The following SOCS6 variants were observed in gnomAD, a reference collection of about 807,000 sequenced individuals.
The protein encoded by SOCS6 is STAT induced STAT inhibitor-4.
A neutral mutation model predicts 27.7 loss-of-function variants in SOCS6; 5 were observed. That is an observed-to-expected ratio of 0.18 (90% CI 0.09 to 0.38). The LOEUF (loss-of-function observed/expected upper bound fraction) is 0.38, where lower values mean the gene tolerates loss of function less well. SOCS6 is among the 10% of genes least tolerant of loss of function. SOCS6 has a pLI of 1.00. For missense variants in SOCS6, 595 were observed against 688.1 expected, an observed-to-expected ratio of 0.86 and a Z score of 1.51; for synonymous variants, 271 against 260.0, an observed-to-expected ratio of 1.04 and a Z score of -0.41.
chr18:70,293,888 C>G (rs376392834), intron 1 of SOCS6, among the ~76,000 whole-genome samples: 1 of 151,984 alleles, frequency 6.6e-6, no homozygotes, highest in Non-Finnish European at 1.5e-5. Flanking sequence ...GTCAGGAGTT[C>G]GAGACCAGCC....
intron 1 of SOCS6, among the ~76,000 whole-genome samples, chr18:70,322,831 A>G (rs1168000012): frequency 6.6e-6 from 1 of 152,176 alleles, no homozygotes; most frequent in Non-Finnish European, 1.5e-5. Flanking sequence ...TTTTAGTAAG[A>G]ATGATTCCAT....
At chr18:70,304,791 T>C (rs2062362251) in intron 1 of SOCS6, among the ~76,000 whole-genome samples, 1 of 152,266 alleles carries the variant, frequency 6.6e-6, no homozygotes, top group African/African-American at 2.4e-5. Flanking sequence ...TTTTAAATTT[T>C]AGTTATTAAA....
chr18:70,293,443 C>G (rs1482075698), intron 1 of SOCS6, among the ~76,000 whole-genome samples: 2 of 152,162 alleles, frequency 1.3e-5, no homozygotes, highest in African/African-American at 4.8e-5. Context: ...AGATCTCTTT[C>G]ACTTCTGGAA....
chr18:70,317,493 C>CACATATATACAT (rs530915852), intron 1 of SOCS6, among the ~76,000 whole-genome samples: 1 of 130,346 alleles, frequency 7.7e-6, no homozygotes, highest in Non-Finnish European at 1.6e-5. Flanking sequence ...TACATATATA[C>CACATATATACAT]ACATATATAC....
chr18:70,289,674 A>G (rs1476076731), intron 1 of SOCS6, among the ~76,000 whole-genome samples: 1 of 149,726 alleles, frequency 6.7e-6, no homozygotes, highest in African/African-American at 2.4e-5. Flanking sequence ...GGACTCGGGG[A>G]CGCCCCCGCC....
At chr18:70,321,338 T>TTTTTTTCA (rs1910982719) in intron 1 of SOCS6, among the ~76,000 whole-genome samples, 1 of 128,134 alleles carries the variant, frequency 7.8e-6, no homozygotes, top group Non-Finnish European at 1.6e-5. Flanking sequence ...TTTTTTTTTT[T>TTTTTTTCA]GACAGAGTTT....
chr18:70,307,612 G>C (rs1227364287), intron 1 of SOCS6, among the ~76,000 whole-genome samples: 3 of 152,046 alleles, frequency 2.0e-5, no homozygotes, highest in South Asian at 4.1e-4. Context: ...TTTCTCTTAA[G>C]TTTTCTAATT....
rs1308310307 is a variant in SOCS6, at chr18:70,328,427, CCT to C, written c.*2152_*2153del. The C allele has an allele frequency of 1.2e-5, 2 of 166,448 alleles. No homozygotes were observed. Among genetic ancestry groups the C allele is most frequent in the East Asian group, 3.9e-4 (2 of 5,182 alleles). The allele number at this position is 166,448 out of a possible 1,614,324, so 10.3% of individuals were successfully genotyped here. ...CTGAACCCGTCTTATGTGGACATAA[CCT>C]ATTCCCTTCGTTTTCTCATCATGCC... On this transcript the variant is annotated 3_prime_UTR_variant, in exon 2 of 2. Coordinates refer to ENST00000397942, the MANE Select transcript of SOCS6 (RefSeq NM_004232.4).
rs781536907 is a variant in SOCS6 at position 70,325,918 on chromosome 18, T to C, written c.1250T>C (p.Leu417Pro). The C allele has an allele frequency of 6.2e-7, 1 of 1,614,252 alleles. No individual in the cohort carries two copies. Among genetic ancestry groups the C allele is most frequent in the East Asian group, 2.2e-5 (1 of 44,886 alleles). The change falls in exon 2 of 2, where the codon CTT becomes CCT. Residue 417 changes from leucine to proline, a missense_variant. Transcript: ENST00000397942. The surrounding 1 kb of genome is among the most constrained non-coding windows in gnomAD (Gnocchi z 6.3). ...LVRDSSDDRY[L>P]LSLSFRSHGK... Reference sequence around the variant, plus strand: ...CGGGACAGTTCTGACGACCGTTACCTTTTAAGCTTGAGCTTTCGCTCCCAT... The same window carrying C: ...CGGGACAGTTCTGACGACCGTTACCCTTTAAGCTTGAGCTTTCGCTCCCAT...
intron 1 of SOCS6, among the ~76,000 whole-genome samples, chr18:70,317,240 A>T (rs539574402): frequency 6.6e-6 from 1 of 152,140 alleles, no homozygotes; most frequent in African/African-American, 2.4e-5. Flanking sequence ...AGTCCATTGT[A>T]TCATTCTTAT....
In SOCS6 at chr18:70,325,068, C is replaced by A. The variant is rs751994123; in HGVS notation, c.400C>A (p.Pro134Thr). The A allele has an allele frequency of 1.2e-6, 2 of 1,614,152 alleles. No homozygotes were observed. The highest frequency in any genetic ancestry group is 2.2e-5 in the East Asian group (1 of 44,864). Residue 134 changes from proline (P) to threonine (T), a missense_variant, in exon 2 of 2, where the codon CCC (proline) becomes ACC (threonine). Pro to Thr is a conservative substitution (Grantham distance 38, BLOSUM62 -1). Around this residue, in one of 2 missense-constraint regions of SOCS6, gnomAD observed 467 missense variants for 481.1 expected, o/e 0.97. Transcript: ENST00000397942. This position sits in a 1 kb window ranked among gnomAD's most constrained non-coding sequence, Gnocchi z 6.3. ...STSLRSHHYS[P>T]APWPLRPTNS... is the part of the protein sequence containing the mutation. ...GTCGCTCCGCAGCCATCACTACAGT[C>A]CCGCGCCGTGGCCTCTGCGGCCCAC...
intron 1 of SOCS6, among the ~76,000 whole-genome samples, chr18:70,313,074 C>T (rs146706959): frequency 7.2e-5 from 11 of 152,208 alleles, no homozygotes; most frequent in East Asian, 1.9e-4. Context: ...GCCACCACAC[C>T]GGGTCCATGG....
Position 70,325,030 on chromosome 18 carries a change from C to T in SOCS6, c.362C>T (p.Pro121Leu), listed in dbSNP as rs1439896966. The stretch of plus-strand genomic sequence containing the variant: ...TTTAAAGACGTGAGAGCTCAGAGGC[C>T]GATAAGGTCCACGTCGCTCCGCAGC... ...IVFKDVRAQR[P>L]IRSTSLRSHH... is the part of the protein sequence containing the mutation. The change falls in exon 2 of 2, where the codon CCG becomes CTG. Residue 121 changes from proline to leucine, a missense_variant. Coordinates refer to ENST00000397942, the MANE Select transcript of SOCS6 (RefSeq NM_004232.4). The surrounding 1 kb of genome is among the most constrained non-coding windows in gnomAD (Gnocchi z 6.3). 2 of 1,614,030 alleles carry T rather than the reference C, an allele frequency of 1.2e-6. No homozygotes were observed. The highest frequency in any genetic ancestry group is 1.7e-5 in the Admixed American group (1 of 59,994).
At chr18:70,295,026 G>T (rs906196575) in intron 1 of SOCS6, among the ~76,000 whole-genome samples, 7 of 152,222 alleles carry the variant, frequency 4.6e-5, no homozygotes, top group African/African-American at 1.7e-4. Flanking sequence ...GGCCTGGAAG[G>T]CAGGCAGTAA....
chr18:70,317,197 C>T (rs2062414927), intron 1 of SOCS6, among the ~76,000 whole-genome samples: 1 of 152,184 alleles, frequency 6.6e-6, no homozygotes. Context: ...TTTTATCCCT[C>T]ACCCCCTCCC....
At chr18:70,305,755 A>G (rs2062366638) in intron 1 of SOCS6, among the ~76,000 whole-genome samples, 2 of 152,194 alleles carry the variant, frequency 1.3e-5, no homozygotes, top group South Asian at 2.1e-4. Context: ...TTTTGACTGT[A>G]TGAATCTTGT....
chr18:70,296,695 C>G (rs1284963445), intron 1 of SOCS6: 1 of 152,214 alleles, frequency 6.6e-6, no homozygotes, highest in Non-Finnish European at 1.5e-5. Flanking sequence ...TAAGCCATTT[C>G]TTTTCCCCCT....
chr18:70,317,390 T>A (rs2146288168), intron 1 of SOCS6, among the ~76,000 whole-genome samples: 1 of 152,240 alleles, frequency 6.6e-6, no homozygotes, highest in Non-Finnish European at 1.5e-5. Flanking sequence ...CATTCTTTCA[T>A]TCCTTTTTAT....
At chr18:70,304,359 A>G (rs1338453721) in intron 1 of SOCS6, among the ~76,000 whole-genome samples, 1 of 151,614 alleles carries the variant, frequency 6.6e-6, no homozygotes, top group Non-Finnish European at 1.5e-5. Flanking sequence ...CACTTCAATC[A>G]TCGCTTTCCT....
Sources: gnomAD v4.1 joint callset for allele counts (sites outside exome capture counted in the v4.1 genomes callset) on GRCh38, gnomAD v4.1.1 for gene constraint, gnomAD v4.1.1 regional missense constraint, Gnocchi (gnomAD v3.1) non-coding constraint, MANE v1.5 for transcripts, NCBI Gene and HGNC (gene_info 2026-07-23, HGNC 2026-07-21) for gene names.